The following ATP9A variants were observed in gnomAD, a reference collection of about 807,000 sequenced individuals.
The protein encoded by ATP9A is probable phospholipid-transporting ATPase IIA.
ATP9A carries 52 observed loss-of-function variants against 144.1 expected under a neutral mutation model. The ratio of observed to expected loss-of-function variants is 0.36; its 90% CI spans 0.29 to 0.45. The LOEUF (loss-of-function observed/expected upper bound fraction) is 0.45, where lower values mean the gene tolerates loss of function less well. Ranked by LOEUF, ATP9A falls within the 20% of genes least tolerant of loss-of-function variation. ATP9A has a pLI of 1.00. For missense variants in ATP9A, 947 were observed against 1,392.7 expected (o/e 0.68, Z 5.09); for synonymous variants, 582 against 557.4 (o/e 1.04, Z -0.62).
chr20:51,711,022 G>A (rs2077636362), intron 4 of ATP9A, among the ~76,000 whole-genome samples: 1 of 152,086 alleles, frequency 6.6e-6, no homozygotes, highest in Non-Finnish European at 1.5e-5. Flanking sequence ...GTTATTAAGG[G>A]AGGATTTAAT....
intron 15 of ATP9A, among the ~76,000 whole-genome samples, chr20:51,635,769 A>G (rs1271000284): frequency 3.0e-4 from 23 of 77,618 alleles, no homozygotes; most frequent in Non-Finnish European, 5.7e-4. Context: ...AAGAGAAAAG[A>G]AAAGAGAAAA....
chr20:51,608,507 G>T lies in ATP9A; in HGVS notation c.2745+11C>A, dbSNP rs199662066. ...GAAAGGAGGAAGGAGGGACTGAAAA[G>T]CTAACAGAACCTTGAGAAGATCCTT... On this transcript the variant is annotated intron_variant, in intron 25 of 27. Coordinates refer to ENST00000338821, the MANE Select transcript of ATP9A (RefSeq NM_006045.3). 332 of 1,548,204 alleles carry T rather than the reference G, an allele frequency of 2.1e-4. No homozygotes were observed. Among genetic ancestry groups the T allele is most frequent in the South Asian group, 5.2e-4 (47 of 89,688 alleles).
At chr20:51,605,889 G>GACAAAAGAGCAAAACTCCATCTCAGAATA in intron 26 of ATP9A, among the ~76,000 whole-genome samples, 1 of 151,718 alleles carries the variant, frequency 6.6e-6, no homozygotes, top group African/African-American at 2.4e-5. Flanking sequence ...CTCCAGCCTG[G>GACAAAAGAGCAAAACTCCATCTCAGAATA]GTGATACAGC....
At chr20:51,763,562 C>T (rs973848430) in intron 1 of ATP9A, among the ~76,000 whole-genome samples, 5 of 152,136 alleles carry the variant, frequency 3.3e-5, no homozygotes, top group African/African-American at 1.2e-4. Flanking sequence ...ATCCGCCCAC[C>T]TTGGCCTCCC....
chr20:51,679,052 G>A (rs1464048495), intron 9 of ATP9A, among the ~76,000 whole-genome samples: 3 of 152,152 alleles, frequency 2.0e-5, no homozygotes, highest in East Asian at 1.9e-4. Context: ...GGCCGGGCAC[G>A]GTGGCTCATG....
intron 3 of ATP9A, among the ~76,000 whole-genome samples, chr20:51,719,698 A>C (rs1167868919): frequency 1.4e-5 from 2 of 142,932 alleles, no homozygotes; most frequent in East Asian, 4.2e-4. Context: ...GCACCACTGC[A>C]CTCCAGCCTG....
chr20:51,661,970 G>A (rs2426360), intron 13 of ATP9A, among the ~76,000 whole-genome samples: 74,747 of 152,020 alleles, frequency 0.49, 19,091 homozygotes, highest in East Asian at 0.8. Flanking sequence ...ATTTGGTCAT[G>A]TCTGGAGACA....
intron 24 of ATP9A, among the ~76,000 whole-genome samples, chr20:51,609,231 C>T (rs890563666): frequency 6.6e-6 from 1 of 152,090 alleles, no homozygotes; most frequent in African/African-American, 2.4e-5. Flanking sequence ...GCTCAGGGAA[C>T]CCCTGACTAT....
intron 8 of ATP9A, among the ~76,000 whole-genome samples, chr20:51,689,770 G>C (rs918049619): frequency 8.6e-5 from 13 of 151,742 alleles, no homozygotes; most frequent in African/African-American, 2.7e-4. Context: ...GAAAGGTCTG[G>C]AAGTGGCTTA....
Position 51,611,676 on chromosome 20 carries a change from C to A in ATP9A, c.2572-1511G>T, listed in dbSNP as rs988014942. ...AGTAACATCCAGTTTTTGAAGAAGTCAGCTCATCCCGGCCAGCTTTTGTGT... is the reference window on the plus strand; with the variant it reads ...AGTAACATCCAGTTTTTGAAGAAGTAAGCTCATCCCGGCCAGCTTTTGTGT... On this transcript the variant is annotated intron_variant, in intron 23 of 27. Coordinates refer to ENST00000338821, the MANE Select transcript of ATP9A (RefSeq NM_006045.3). This position sits in a 1 kb window ranked among gnomAD's most constrained non-coding sequence, Gnocchi z 4.2. Among the ~76,000 whole-genome samples, 8 of 152,200 alleles carry A rather than the reference C, an allele frequency of 5.3e-5. No individual in the cohort carries two copies. The highest frequency in any genetic ancestry group is 1.9e-4 in the African/African-American group (8 of 41,440).
intron 24 of ATP9A, 65 bp downstream of exon 24, chr20:51,610,036 T>C (rs973040230): frequency 7.0e-7 from 1 of 1,437,546 alleles, no homozygotes; most frequent in African/African-American, 1.4e-5. Flanking sequence ...CCACGTTTCT[T>C]CTCTCTGTTG....
At chr20:51,673,297 C>G (rs2077463779) in intron 11 of ATP9A, among the ~76,000 whole-genome samples, 2 of 152,070 alleles carry the variant, frequency 1.3e-5, no homozygotes, top group South Asian at 4.1e-4. Context: ...TCACTTGAAC[C>G]CAGGAGGTGG....
rs1249357767 is a variant in ATP9A at position 51,598,129 on chromosome 20, A to G, written c.*3082T>C. 6.8e-6 allele frequency: 1 copy of G among 146,614 alleles called. No homozygotes were observed. Among genetic ancestry groups the G allele is most frequent in the Non-Finnish European group, 1.5e-5 (1 of 67,546 alleles). 9.1% of individuals were successfully genotyped at this position (146,614 alleles called of 1,614,324 possible). A position where few individuals can be genotyped will look rare whatever the true frequency, so the allele number is the denominator to read the frequency against. The stretch of plus-strand genomic sequence containing the variant: ...AAAATGAGGATCAAAACTGTCCCAC[A>G]TAAGAAATTACTCAAGATGGAAAAA... On this transcript the variant is annotated 3_prime_UTR_variant, in exon 28 of 28. Transcript: ENST00000338821.
At chr20:51,688,793 T>A (rs1022323724) in intron 9 of ATP9A, among the ~76,000 whole-genome samples, 1 of 151,900 alleles carries the variant, frequency 6.6e-6, no homozygotes, top group Non-Finnish European at 1.5e-5. Context: ...CTGGTACAGA[T>A]TAGAATGTCA....
At chr20:51,757,855 C>T (rs1194628471) in intron 1 of ATP9A, among the ~76,000 whole-genome samples, 6 of 151,628 alleles carry the variant, frequency 4.0e-5, no homozygotes, top group African/African-American at 1.5e-4. Context: ...GCAGTGAGAT[C>T]GCACCCACTG....
chr20:51,764,263 C>T (rs994221368), intron 1 of ATP9A, among the ~76,000 whole-genome samples: 11 of 152,220 alleles, frequency 7.2e-5, no homozygotes, highest in African/African-American at 2.4e-4. Context: ...TGGACTCCTG[C>T]GTCCTGGCTC....
chr20:51,671,427 C>T (rs2077455563), intron 11 of ATP9A, among the ~76,000 whole-genome samples, 170 bp from the exon 12 acceptor site: 1 of 152,172 alleles, frequency 6.6e-6, no homozygotes, highest in Non-Finnish European at 1.5e-5. Flanking sequence ...GCACCACCGT[C>T]AAGTCACACA....
intron 13 of ATP9A, among the ~76,000 whole-genome samples, chr20:51,669,096 C>A (rs543916466): frequency 1.1e-3 from 163 of 152,292 alleles, no homozygotes; most frequent in African/African-American, 3.8e-3. Context: ...GCTGGTCTAA[C>A]GCGGTCTGGC....
intron 18 of ATP9A, among the ~76,000 whole-genome samples, chr20:51,622,442 G>A (rs188560435): frequency 1.2e-4 from 18 of 152,202 alleles, no homozygotes; most frequent in Admixed American, 5.2e-4. Flanking sequence ...TATGAAGCTC[G>A]GTCCTTGGAC....
Sources: gnomAD v4.1 joint callset for allele counts (sites outside exome capture counted in the v4.1 genomes callset) on GRCh38, gnomAD v4.1.1 for gene constraint, Gnocchi (gnomAD v3.1) non-coding constraint, MANE v1.5 for transcripts, NCBI Gene and HGNC (gene_info 2026-07-23, HGNC 2026-07-21) for gene names.